PRDM16: variants seen among roughly 807,000 people sequenced by gnomAD.
The protein encoded by PRDM16 is PR/SET domain 16, also known as histone-lysine N-methyltransferase PRDM16.
Under a neutral mutation model 110.6 loss-of-function variants are expected in PRDM16, and 23 were observed. That is an observed-to-expected ratio of 0.21 (90% confidence interval 0.15 to 0.29). The LOEUF is 0.29. Ranked by LOEUF, PRDM16 falls within the 10% of genes least tolerant of loss-of-function variation. PRDM16 has a pLI of 1.00. For missense variants in PRDM16, 1,615 were observed against 1,794.3 expected, an observed-to-expected ratio of 0.90 and a Z score of 1.81; for synonymous variants, 799 against 781.8, an observed-to-expected ratio of 1.02 and a Z score of -0.37.
chr1:3,205,244 C>T (rs1299660094), intron 2 of PRDM16, among the ~76,000 whole-genome samples: 1 of 152,050 alleles, frequency 6.6e-6, no homozygotes, highest in Non-Finnish European at 1.5e-5. Context: ...CCACAGGGCA[C>T]CCACCGGAAC....
At chr1:3,198,026 G>A (rs1405721965) in intron 2 of PRDM16, among the ~76,000 whole-genome samples, 1 of 152,194 alleles carries the variant, frequency 6.6e-6, no homozygotes, top group Non-Finnish European at 1.5e-5. Context: ...GGCCACCTTG[G>A]CCTCAACCAG....
At chr1:3,114,167 A>ACGCG (rs1642863305) in intron 1 of PRDM16, among the ~76,000 whole-genome samples, 1 of 92,074 alleles carries the variant, frequency 1.1e-5, no homozygotes, top group Non-Finnish European at 2.3e-5. Flanking sequence ...ACACACACGC[A>ACGCG]CACACACGCA....
chr1:3,343,327 T>C (rs2100517777), intron 3 of PRDM16, among the ~76,000 whole-genome samples: 1 of 150,908 alleles, frequency 6.6e-6, no homozygotes, highest in Middle Eastern at 3.4e-3. Flanking sequence ...GGATTGTTTG[T>C]CTTTTTATCA....
chr1:3,140,226 C>G (rs543658679), intron 1 of PRDM16, among the ~76,000 whole-genome samples: 2 of 152,370 alleles, frequency 1.3e-5, no homozygotes, highest in African/African-American at 4.8e-5. Context: ...GTTTAGGAAC[C>G]TGGTTTTTAT....
chr1:3,391,562 A>G (rs1422889062), intron 4 of PRDM16, among the ~76,000 whole-genome samples: 1 of 152,236 alleles, frequency 6.6e-6, no homozygotes, highest in Admixed American at 6.5e-5. Context: ...TAAGAAACAG[A>G]TAAGTGTGCA....
intron 3 of PRDM16, among the ~76,000 whole-genome samples, chr1:3,371,925 T>G (rs2100579404): frequency 6.6e-6 from 1 of 152,376 alleles, no homozygotes; most frequent in South Asian, 2.1e-4. Context: ...AATGACTCAG[T>G]GGTGAGTCTC....
intron 2 of PRDM16, among the ~76,000 whole-genome samples, chr1:3,211,813 G>A (rs957063728): frequency 7.2e-5 from 11 of 152,262 alleles, no homozygotes; most frequent in East Asian, 3.8e-4. Context: ...GCGTGTGCAC[G>A]TGTGCATGCG....
At chr1:3,346,586 C>G (rs956878186) in intron 3 of PRDM16, among the ~76,000 whole-genome samples, 1 of 152,104 alleles carries the variant, frequency 6.6e-6, no homozygotes, top group Admixed American at 6.5e-5. Flanking sequence ...TGGGGGCAGG[C>G]AACACAGACA....
chr1:3,202,449 G>A (rs572496155), intron 2 of PRDM16, among the ~76,000 whole-genome samples: 1 of 152,310 alleles, frequency 6.6e-6, no homozygotes, highest in East Asian at 1.9e-4. Context: ...AGGCAGGGAT[G>A]GGTCAGGGCT....
At chr1:3,289,403 G>A (rs1028201784) in intron 3 of PRDM16, among the ~76,000 whole-genome samples, 1 of 152,218 alleles carries the variant, frequency 6.6e-6, no homozygotes, top group African/African-American at 2.4e-5. Flanking sequence ...GGTGTCTGTC[G>A]ACAAATTCAC....
chr1:3,084,505 A>T (rs991347322), intron 1 of PRDM16, among the ~76,000 whole-genome samples: 11 of 152,158 alleles, frequency 7.2e-5, no homozygotes, highest in African/African-American at 2.7e-4. Flanking sequence ...GGGCCACAGC[A>T]ATATTGAGCT....
intron 2 of PRDM16, among the ~76,000 whole-genome samples, chr1:3,225,579 C>CACGT (rs1553149427): frequency 1.4e-5 from 2 of 146,756 alleles, no homozygotes; most frequent in Admixed American, 1.3e-4. Flanking sequence ...TGTGTGCGCG[C>CACGT]GCGCAGAAGG....
chr1:3,428,800 G>A (rs1489499686), intron 14 of PRDM16, among the ~76,000 whole-genome samples: 1 of 152,236 alleles, frequency 6.6e-6, no homozygotes, highest in African/African-American at 2.4e-5. Context: ...CTCAGAATGG[G>A]ACTCTCTTAG....
chr1:3,429,345 A>G (rs1638703107), intron 14 of PRDM16, among the ~76,000 whole-genome samples: 1 of 152,244 alleles, frequency 6.6e-6, no homozygotes, highest in Admixed American at 6.5e-5. Context: ...CCCCAACACT[A>G]AAAAGCAAAT....
At chr1:3,386,405 G>A (rs1643199229) in intron 4 of PRDM16, among the ~76,000 whole-genome samples, 6 of 152,186 alleles carry the variant, frequency 3.9e-5, no homozygotes, top group African/African-American at 9.7e-5. Context: ...GGGAGGTCCC[G>A]CAGGCCCCGG....
chr1:3,286,058 A>G (rs888762606), intron 3 of PRDM16, among the ~76,000 whole-genome samples: 3 of 152,186 alleles, frequency 2.0e-5, no homozygotes, highest in African/African-American at 7.2e-5. Context: ...TGCTAATGCC[A>G]TTTTTTAAAA....
At chr1:3,119,344 C>T (rs750558884) in intron 1 of PRDM16, among the ~76,000 whole-genome samples, 8 of 152,230 alleles carry the variant, frequency 5.3e-5, no homozygotes, top group Non-Finnish European at 1.0e-4. Context: ...CCTCTGGGGT[C>T]TGGTTAATTA....
intron 3 of PRDM16, among the ~76,000 whole-genome samples, chr1:3,357,636 C>T (rs536277995): frequency 2.7e-5 from 4 of 146,754 alleles, no homozygotes; most frequent in African/African-American, 5.5e-5. Context: ...CCTGTTCTGA[C>T]GCTTAACCCA....
At chr1:3,095,338 G>A (rs1234714837) in intron 1 of PRDM16, among the ~76,000 whole-genome samples, 3 of 152,286 alleles carry the variant, frequency 2.0e-5, no homozygotes, top group East Asian at 1.9e-4. Context: ...ACAACTCGGT[G>A]TGTCTCCAGG....
Sources: allele counts gnomAD v4.1 joint callset (sites outside exome capture counted in the v4.1 genomes callset), GRCh38; gene constraint gnomAD v4.1.1; transcripts MANE v1.5; gene names NCBI Gene and HGNC (gene_info 2026-07-23, HGNC 2026-07-21).